Variants in ZC3HC1 observed in about 807,000 individuals in gnomAD.
ZC3HC1 encodes zinc finger C3HC-type containing 1.
In ZC3HC1, 38 loss-of-function variants were observed where a neutral mutation model predicts 61.9. That is an observed-to-expected ratio of 0.61 (90% CI 0.47 to 0.81). The LOEUF is 0.81. Among genes scored for constraint, ZC3HC1 ranks in the 30% least tolerant of loss-of-function variants. The probability of loss-of-function intolerance (pLI) is 0.00; values close to 1 mark genes in which losing one functional copy is unlikely to be tolerated. For missense variants in ZC3HC1, 554 were observed against 622.7 expected (o/e 0.89, Z 1.17); for synonymous variants, 213 against 229.9 (o/e 0.93, Z 0.67).
chr7:130,031,717 G>A (rs542843938), intron 4 of ZC3HC1, among the ~76,000 whole-genome samples: 1 of 152,216 alleles, frequency 6.6e-6, no homozygotes, highest in African/African-American at 2.4e-5. Flanking sequence ...CTATACACAT[G>A]CCCAGCAAAG....
At chr7:130,038,112 A>G (rs1794495622) in intron 4 of ZC3HC1, among the ~76,000 whole-genome samples, 1 of 152,196 alleles carries the variant, frequency 6.6e-6, no homozygotes, top group Non-Finnish European at 1.5e-5. Context: ...AAATATTTTT[A>G]AAAACCCAGT....
chr7:130,030,919 C>T (rs937512539), intron 4 of ZC3HC1, among the ~76,000 whole-genome samples: 23 of 150,302 alleles, frequency 1.5e-4, no homozygotes, highest in Admixed American at 6.6e-5. Context: ...CCGCCTGCCT[C>T]GGCCTCCCAA....
intron 4 of ZC3HC1, among the ~76,000 whole-genome samples, chr7:130,030,062 C>T (rs1794105779): frequency 6.6e-6 from 1 of 152,040 alleles, no homozygotes; most frequent in Non-Finnish European, 1.5e-5. Context: ...CTGGCATTAC[C>T]CAATTCATCT....
At chr7:130,045,283 T>C (rs753033572) in intron 2 of ZC3HC1, 8 of 234,676 alleles carry the variant, frequency 3.4e-5, no homozygotes, top group Non-Finnish European at 6.2e-5. Flanking sequence ...GTCTGTAATT[T>C]AAAAATTTTT....
rs548509138 is a variant in ZC3HC1, at chr7:130,048,897, G to C, written c.258+136C>G. 4.9e-5 allele frequency: 28 copies of C among 568,630 alleles called. No individual in the cohort carries two copies. The African/African-American group carries it at 5.0e-4, about 10-fold the overall frequency. The allele number at this position is 568,630 out of a possible 1,614,324, so 35.2% of individuals were successfully genotyped here. A position where few individuals can be genotyped will look rare whatever the true frequency, so the allele number is the denominator to read the frequency against. ...GTCCCTCTGAGTGATAACATATTAGGATGCTGACTTTCCTATATAATTTCT... is the reference window on the plus strand; with the variant it reads ...GTCCCTCTGAGTGATAACATATTAGCATGCTGACTTTCCTATATAATTTCT... On this transcript the variant is annotated intron_variant, in intron 2 of 9. Coordinates refer to ENST00000358303, the MANE Select transcript of ZC3HC1 (RefSeq NM_016478.5).
chr7:130,025,804 T>C (rs1793873582), intron 6 of ZC3HC1, among the ~76,000 whole-genome samples: 1 of 145,016 alleles, frequency 6.9e-6, no homozygotes, highest in South Asian at 2.1e-4. Flanking sequence ...GAGGCGGAGC[T>C]TGCAGTGAGC....
chr7:130,024,266 C>T lies in ZC3HC1; in HGVS notation c.1017G>A (p.Glu339=), dbSNP rs769184798. 6 of 1,607,488 alleles carry T rather than the reference C, an allele frequency of 3.7e-6. No individual in the cohort carries two copies. In the South Asian group the frequency reaches 6.6e-5, roughly 18 times the overall value. ...SQDATFSPGS[E]QAEKSPGPIV... is the part of the protein sequence containing the mutation. ...CCCAAATAAGCTAAGTGAATACCTG[C>T]TCTGAGCCTGGGGAGAAAGTGGCAT... The change falls in exon 7 of 10, where the codon GAG becomes GAA. Residue 339 remains glutamate (E), a synonymous_variant. Coordinates refer to ENST00000358303, the MANE Select transcript of ZC3HC1 (RefSeq NM_016478.5).
intron 2 of ZC3HC1, among the ~76,000 whole-genome samples, chr7:130,043,051 G>A (rs765516175): frequency 2.0e-5 from 3 of 152,122 alleles, no homozygotes; most frequent in Admixed American, 1.3e-4. Context: ...TGAGACGGGC[G>A]GATCACTTGA....
intron 2 of ZC3HC1, chr7:130,043,989 G>A (rs535592221): frequency 5.1e-5 from 19 of 375,754 alleles, no homozygotes; most frequent in Admixed American, 1.1e-4. Flanking sequence ...AATTGCAACT[G>A]GAGATGTCAG....
At position 130,025,740 on chromosome 7, in the gene ZC3HC1, A is replaced by G. The variant is rs1376276942; in HGVS notation, c.776+418T>C. Among the ~76,000 whole-genome samples, 295 of 151,854 alleles carry G rather than the reference A, an allele frequency of 1.9e-3. 2 individuals are homozygous for G. The highest frequency in any genetic ancestry group is 6.7e-3 in the African/African-American group (278 of 41,446). Reference sequence around the variant, plus strand: ...AAAATTAGCTGGGCGTGTGGCAGGCACCTATAGTCCCAGCTACTCGGGAGG... The same window carrying G: ...AAAATTAGCTGGGCGTGTGGCAGGCGCCTATAGTCCCAGCTACTCGGGAGG... On this transcript the variant is annotated intron_variant, in intron 6 of 9. Coordinates refer to ENST00000358303, the MANE Select transcript of ZC3HC1 (RefSeq NM_016478.5).
chr7:130,039,387 G>C, intron 4 of ZC3HC1, 77 bp downstream of exon 4: 1 of 1,208,212 alleles, frequency 8.3e-7, no homozygotes. Context: ...TCAAAGACTA[G>C]GTTTTCACAA....
intron 4 of ZC3HC1, among the ~76,000 whole-genome samples, chr7:130,031,158 C>T (rs1244873035): frequency 2.0e-5 from 3 of 151,212 alleles, no homozygotes; most frequent in Admixed American, 1.3e-4. Context: ...GGAGAAACCC[C>T]GTCTCTACTA....
At chr7:130,020,274 CTTTTTTTTTT>C (rs531130416) in intron 9 of ZC3HC1, among the ~76,000 whole-genome samples, 6 of 134,674 alleles carry the variant, frequency 4.5e-5, no homozygotes, top group Admixed American at 3.0e-4. Context: ...ACACTTTTTT[CTTTTTTTTTT>C]TTTTTTGAAA....
chr7:130,046,834 C>T (rs1280276085), intron 2 of ZC3HC1, among the ~76,000 whole-genome samples: 1 of 152,166 alleles, frequency 6.6e-6, no homozygotes, highest in African/African-American at 2.4e-5. Context: ...GCCACCCAGG[C>T]TGCAGTGCAG....
At chr7:130,024,183 T>C (rs1365992196) in intron 7 of ZC3HC1, 80 bp downstream of exon 7, 3 of 1,511,222 alleles carry the variant, frequency 2.0e-6, no homozygotes, top group Admixed American at 4.2e-5. Context: ...TCCACCTAAA[T>C]TAATTTCCAA....
At chr7:130,037,611 C>G (rs1029906666) in intron 4 of ZC3HC1, among the ~76,000 whole-genome samples, 2 of 152,196 alleles carry the variant, frequency 1.3e-5, no homozygotes, top group Admixed American at 6.5e-5. Flanking sequence ...CAATCATCTT[C>G]ACTTAAACAA....
At chr7:130,038,059 G>T (rs1158762019) in intron 4 of ZC3HC1, among the ~76,000 whole-genome samples, 2 of 152,182 alleles carry the variant, frequency 1.3e-5, no homozygotes, top group African/African-American at 4.8e-5. Flanking sequence ...GCCTCCCAGT[G>T]TTAGGATTAT....
chr7:130,040,182 TAAAAAAAAAAAAA>T (rs34814353), intron 3 of ZC3HC1, among the ~76,000 whole-genome samples: 18 of 35,358 alleles, frequency 5.1e-4, no homozygotes, highest in African/African-American at 2.0e-3. Flanking sequence ...TAGCTTAGTT[TAAAAAAAAAAAAA>T]AAAAAAAAAA....
chr7:130,037,993 T>C (rs1201972312), intron 4 of ZC3HC1, among the ~76,000 whole-genome samples: 3 of 152,334 alleles, frequency 2.0e-5, no homozygotes, highest in East Asian at 1.9e-4. Context: ...GGTCTTACTA[T>C]ATTTATTGCT....
Sources: gnomAD v4.1 joint callset for allele counts (sites outside exome capture counted in the v4.1 genomes callset) on GRCh38, gnomAD v4.1.1 for gene constraint, MANE v1.5 for transcripts, NCBI Gene and HGNC (gene_info 2026-07-23, HGNC 2026-07-21) for gene names.